Variants in PLCG1 observed in about 807,000 individuals in gnomAD.
The protein encoded by PLCG1 is phospholipase C gamma 1.
PLCG1 carries 71 observed loss-of-function variants against 177.8 expected under a neutral mutation model. That is an observed-to-expected ratio of 0.40 (90% CI 0.33 to 0.49). The LOEUF (loss-of-function observed/expected upper bound fraction) is 0.49. Among genes scored for constraint, PLCG1 ranks in the 20% least tolerant of loss-of-function variants. The pLI is 0.72. For missense variants in PLCG1, 1,281 were observed against 1,709.0 expected (o/e 0.75, Z 4.42); for synonymous variants, 658 against 647.9 (o/e 1.02, Z -0.24).
At position 41,163,288 on chromosome 20, in the gene PLCG1, T is replaced by C. The variant is rs973582721; in HGVS notation, c.789+13T>C. Reference sequence around the variant, plus strand: ...TGACTACCAGGGGGTATGGCTGGGCTGACATTGGCCCAGGCTGGTAGGTTG... The same window carrying C: ...TGACTACCAGGGGGTATGGCTGGGCCGACATTGGCCCAGGCTGGTAGGTTG... On this transcript the variant is annotated intron_variant, in intron 8 of 31. Transcript: ENST00000685551. This position sits in a 1 kb window ranked among gnomAD's most constrained non-coding sequence, Gnocchi z 5.2. 3 of 1,576,036 alleles carry C rather than the reference T, an allele frequency of 1.9e-6. No homozygotes were observed. The highest frequency in any genetic ancestry group is 1.9e-5 in the Admixed American group (1 of 53,932).
At position 41,159,972 on chromosome 20, in the gene PLCG1, C is replaced by T; in HGVS notation, c.464+9C>T. On this transcript the variant is annotated intron_variant, in intron 3 of 31. Coordinates refer to ENST00000685551, the MANE Select transcript of PLCG1 (RefSeq NM_002660.3). This position sits in a 1 kb window ranked among gnomAD's most constrained non-coding sequence, Gnocchi z 6.0. ...CCCCTGCAGATTGAGAGGTAAGAACCACTCCTGAAGGGGTTAGGGCTGGGA... is the reference window on the plus strand; with the variant it reads ...CCCCTGCAGATTGAGAGGTAAGAACTACTCCTGAAGGGGTTAGGGCTGGGA... 2 of 1,611,696 alleles carry T rather than the reference C, an allele frequency of 1.2e-6. No homozygotes were observed. Among genetic ancestry groups the T allele is most frequent in the Non-Finnish European group, 1.7e-6 (2 of 1,177,780 alleles).
At position 41,168,910 on chromosome 20, in the gene PLCG1, C is replaced by T. The variant is rs778821332; in HGVS notation, c.2483+40C>T. ...TGGTAGGCCCAGAGTCCAAGGGCCC[C>T]AGTGGAGCTGGGGCCCCAAAGACAT... is the stretch of plus-strand genomic sequence containing the variant. On this transcript the variant is annotated intron_variant, in intron 21 of 31. Coordinates refer to ENST00000685551, the MANE Select transcript of PLCG1 (RefSeq NM_002660.3). 9 of 1,428,272 alleles carry T rather than the reference C, an allele frequency of 6.3e-6. No individual in the cohort carries two copies. The South Asian group carries it at 9.2e-5, about 15-fold the overall frequency. The allele number at this position is 1,428,272 out of a possible 1,614,324, so 88.5% of individuals were successfully genotyped here. A position where few individuals can be genotyped will look rare whatever the true frequency, so the allele number is the denominator to read the frequency against.
Position 41,160,709 on chromosome 20 carries a change from G to A in PLCG1, c.512+556G>A, listed in dbSNP as rs2035466440. Among the ~76,000 whole-genome samples, 1 of 152,210 alleles carries A rather than the reference G, an allele frequency of 6.6e-6. No homozygotes were observed. Among genetic ancestry groups the A allele is most frequent in the Admixed American group, 6.5e-5 (1 of 15,282 alleles). On this transcript the variant is annotated intron_variant, in intron 4 of 31. Coordinates refer to ENST00000685551, the MANE Select transcript of PLCG1 (RefSeq NM_002660.3). This position sits in a 1 kb window ranked among gnomAD's most constrained non-coding sequence, Gnocchi z 5.5. ...CACACTCCAGGTGAAAAATGAGAGG[G>A]CTTGGATCATGATGGTAATGGTAGG... is the stretch of plus-strand genomic sequence containing the variant.
In PLCG1 at chr20:41,139,691, G is replaced by A. The variant is rs145652812; in HGVS notation, c.217+1833G>A. ...ACACATAAATGTTTAATAAATATGA[G>A]CTGTTATTAGCAATAACATTAACAA... On this transcript the variant is annotated intron_variant, in intron 1 of 31. Coordinates refer to ENST00000685551, the MANE Select transcript of PLCG1 (RefSeq NM_002660.3). Among the ~76,000 whole-genome samples, 16 of 152,278 alleles carry A rather than the reference G, an allele frequency of 1.1e-4. No homozygotes were observed. In the East Asian group the frequency reaches 3.1e-3, roughly 29 times the overall value.
At chr20:41,169,029 A>G in intron 21 of PLCG1, 50 bp from the exon 22 acceptor site, 1 of 1,438,778 alleles carries the variant, frequency 7.0e-7, no homozygotes. Flanking sequence ...TACCCTCCTC[A>G]TGGGAGTTCG....
At position 41,147,285 on chromosome 20, in the gene PLCG1, C is replaced by A. The variant is rs1351993437; in HGVS notation, c.217+9427C>A. ...ATATGTCACTTTGTTAAGGATTTTG[C>A]TGAGGGCCTTTTGAGGCCAGCAGTG... On this transcript the variant is annotated intron_variant, in intron 1 of 31. Coordinates refer to ENST00000685551, the MANE Select transcript of PLCG1 (RefSeq NM_002660.3). This position sits in a 1 kb window ranked among gnomAD's most constrained non-coding sequence, Gnocchi z 4.0. Among the ~76,000 whole-genome samples the A allele has an allele frequency of 1.3e-5, 2 of 152,196 alleles. No individual in the cohort carries two copies. Among genetic ancestry groups the A allele is most frequent in the African/African-American group, 4.8e-5 (2 of 41,462 alleles).
Position 41,163,557 on chromosome 20 carries a change from TAGA to T in PLCG1, c.891+79_891+81del. The T allele has an allele frequency of 2.6e-6, 3 of 1,158,824 alleles. No homozygotes were observed. Among genetic ancestry groups the T allele is most frequent in the Non-Finnish European group, 2.6e-6 (2 of 771,036 alleles). The allele number at this position is 1,158,824 out of a possible 1,614,324, so 71.8% of individuals were successfully genotyped here. A position where few individuals can be genotyped will look rare whatever the true frequency, so the allele number is the denominator to read the frequency against. On this transcript the variant is annotated intron_variant, in intron 9 of 31. Coordinates refer to ENST00000685551, the MANE Select transcript of PLCG1 (RefSeq NM_002660.3). This position sits in a 1 kb window ranked among gnomAD's most constrained non-coding sequence, Gnocchi z 5.2. Reference sequence around the variant, plus strand: ...AGGACCCCACCCGGGCTCCAGGAGCTAGACGCTCCTTAGGGATGCCACCTTGTT... The same window carrying T: ...AGGACCCCACCCGGGCTCCAGGAGCTCGCTCCTTAGGGATGCCACCTTGTT...
rs555314668 is a variant in PLCG1, at chr20:41,173,591, C to T, written c.3394+57C>T. 5.0e-5 allele frequency: 81 copies of T among 1,614,018 alleles called. No homozygotes were observed. The South Asian group carries it at 8.8e-4, about 18-fold the overall frequency. ...CCTGCTGGGGCACTGCAAGCCTCTCCCCACCAGTCATCCCATCCTCTCCCA... is the reference window on the plus strand; with the variant it reads ...CCTGCTGGGGCACTGCAAGCCTCTCTCCACCAGTCATCCCATCCTCTCCCA... On this transcript the variant is annotated intron_variant, in intron 28 of 31. Transcript: ENST00000685551. The surrounding 1 kb of genome is among the most constrained non-coding windows in gnomAD (Gnocchi z 6.2).
chr20:41,161,867 T>C (rs2035509114), intron 4 of PLCG1, among the ~76,000 whole-genome samples: 1 of 152,130 alleles, frequency 6.6e-6, no homozygotes, highest in Non-Finnish European at 1.5e-5. Context: ...TCTCAGTTTC[T>C]TTCCTGGAGC....
In PLCG1 at chr20:41,157,847, C is replaced by G. The variant is rs2035370764; in HGVS notation, c.218-1759C>G. Among the ~76,000 whole-genome samples the G allele has an allele frequency of 6.6e-6, 1 of 152,140 alleles. No individual in the cohort carries two copies. Among genetic ancestry groups the G allele is most frequent in the South Asian group, 2.1e-4 (1 of 4,822 alleles). On this transcript the variant is annotated intron_variant, in intron 1 of 31. Coordinates refer to ENST00000685551, the MANE Select transcript of PLCG1 (RefSeq NM_002660.3). This position sits in a 1 kb window ranked among gnomAD's most constrained non-coding sequence, Gnocchi z 5.4. ...AATTCCTGAGCCCTGTCACAAAGAGCCTTCAAGGCCATAGAAGGTGTTTGT... is the reference window on the plus strand; with the variant it reads ...AATTCCTGAGCCCTGTCACAAAGAGGCTTCAAGGCCATAGAAGGTGTTTGT...
rs374417553 is a variant in PLCG1 at position 41,172,520 on chromosome 20, A to G, written c.3005A>G (p.Gln1002Arg). 2.5e-6 allele frequency: 4 copies of G among 1,614,140 alleles called. No homozygotes were observed. The highest frequency in any genetic ancestry group is 1.7e-5 in the Admixed American group (1 of 60,030). ...VNKAKGKKFL[Q>R]YNRLQLSRIY... ...AAGGCCAAAGGCAAGAAGTTCCTTC[A>G]GTACAATCGACTGCAGCTCTCCCGC... is the stretch of plus-strand genomic sequence containing the variant. Residue 1002 changes from glutamine (Q) to arginine (R), a missense_variant, in exon 26 of 32, where the codon CAG (glutamine) becomes CGG (arginine). Gln to Arg is a conservative substitution (Grantham distance 43). This residue lies in a region of PLCG1 where 723 missense variants were observed against 1,030.0 expected (regional missense o/e 0.70). Coordinates refer to ENST00000685551, the MANE Select transcript of PLCG1 (RefSeq NM_002660.3). This position sits in a 1 kb window ranked among gnomAD's most constrained non-coding sequence, Gnocchi z 7.0.
At chr20:41,170,536 G>A in intron 24 of PLCG1, 1 of 411,180 alleles carries the variant, frequency 2.4e-6, no homozygotes, top group Non-Finnish European at 4.4e-6. Context: ...CAAGACCAGA[G>A]GTAAGAGGAG....
chr20:41,174,653 G>A lies in PLCG1; in HGVS notation c.*144G>A. The A allele has an allele frequency of 2.8e-6, 2 of 708,772 alleles. No individual in the cohort carries two copies. The highest frequency in any genetic ancestry group is 2.5e-6 in the Non-Finnish European group (1 of 406,702). 43.9% of individuals were successfully genotyped at this position (708,772 alleles called of 1,614,324 possible). ...GGATTCCAGCAGTGAATGCTAGACA[G>A]AAACCAAGCCATTAATGAGATGTTA... On this transcript the variant is annotated 3_prime_UTR_variant, in exon 32 of 32. Coordinates refer to ENST00000685551, the MANE Select transcript of PLCG1 (RefSeq NM_002660.3). This position sits in a 1 kb window ranked among gnomAD's most constrained non-coding sequence, Gnocchi z 5.8.
rs569876625 is a variant in PLCG1 at position 41,151,402 on chromosome 20, G to A, written c.218-8204G>A. Among the ~76,000 whole-genome samples the A allele has an allele frequency of 2.5e-4, 38 of 152,300 alleles. No homozygotes were observed. Among genetic ancestry groups the A allele is most frequent in the Non-Finnish European group, 4.6e-4 (31 of 68,030 alleles). On this transcript the variant is annotated intron_variant, in intron 1 of 31. Transcript: ENST00000685551. This position sits in a 1 kb window ranked among gnomAD's most constrained non-coding sequence, Gnocchi z 5.5. ...CAAGCTTGTCCAACTCGCTGCCCGC[G>A]GGTCTGGTTTGAAGGCAGCTGCTGC...
chr20:41,170,574 G>C (rs1372365907), intron 24 of PLCG1: 3 of 315,300 alleles, frequency 9.5e-6, no homozygotes, highest in East Asian at 1.4e-4. Flanking sequence ...CAGGAGTGGA[G>C]TGGGGGCTGA....
chr20:41,145,365 G>C (rs1191082040), intron 1 of PLCG1, among the ~76,000 whole-genome samples: 1 of 152,190 alleles, frequency 6.6e-6, no homozygotes, highest in Non-Finnish European at 1.5e-5. Flanking sequence ...GTGTGGCTTT[G>C]CTGTTGTGGT....
In PLCG1 at chr20:41,172,839, A is replaced by G; in HGVS notation, c.3241A>G (p.Ser1081Gly). ...DEAFDPFDKS[S>G]LRGLEPCAIS... is the part of the protein sequence containing the mutation. ...GGCCTTCGACCCCTTTGACAAGAGC[A>G]GCCTCCGCGGGCTGGAGCCATGTGC... The change falls in exon 27 of 32, where the codon AGC (serine) becomes GGC (glycine). Residue 1081 changes from serine to glycine, a missense_variant. Physicochemically the swap from Ser to Gly is moderately conservative, Grantham distance 56. Transcript: ENST00000685551. This position sits in a 1 kb window ranked among gnomAD's most constrained non-coding sequence, Gnocchi z 7.0. 1 of 1,614,190 alleles carries G rather than the reference A, an allele frequency of 6.2e-7. No individual in the cohort carries two copies. The highest frequency in any genetic ancestry group is 8.5e-7 in the Non-Finnish European group (1 of 1,180,040).
Position 41,177,358 on chromosome 20 carries a change from T to A in PLCG1, c.*2849T>A, listed in dbSNP as rs2036092732. 1 of 152,262 alleles carries A rather than the reference T, an allele frequency of 6.6e-6. No homozygotes were observed. Among genetic ancestry groups the A allele is most frequent in the Admixed American group, 6.5e-5 (1 of 15,286 alleles). 9.4% of individuals were successfully genotyped at this position (152,262 alleles called of 1,614,324 possible). A position where few individuals can be genotyped will look rare whatever the true frequency, so the allele number is the denominator to read the frequency against. ...CCCTGCGGGAAGATGGCAGGAGCAG[T>A]TTCTGACCTCAGTTGAGTATCTGTG... On this transcript the variant is annotated 3_prime_UTR_variant, in exon 32 of 32. Transcript: ENST00000685551.
At position 41,146,151 on chromosome 20, in the gene PLCG1, G is replaced by A. The variant is rs976791811; in HGVS notation, c.217+8293G>A. Reference sequence around the variant, plus strand: ...GGATGCAGAGTAAACGGGGCAGGGCGTTCTCCTACAGAAGACTGGCATCCC... The same window carrying A: ...GGATGCAGAGTAAACGGGGCAGGGCATTCTCCTACAGAAGACTGGCATCCC... On this transcript the variant is annotated intron_variant, in intron 1 of 31. Coordinates refer to ENST00000685551, the MANE Select transcript of PLCG1 (RefSeq NM_002660.3). This position sits in a 1 kb window ranked among gnomAD's most constrained non-coding sequence, Gnocchi z 6.3. Among the ~76,000 whole-genome samples the A allele has an allele frequency of 3.9e-5, 6 of 152,236 alleles. No individual in the cohort carries two copies. Among genetic ancestry groups the A allele is most frequent in the Admixed American group, 6.5e-5 (1 of 15,288 alleles).
Sources: gnomAD v4.1 joint callset for allele counts (sites outside exome capture counted in the v4.1 genomes callset) on GRCh38, gnomAD v4.1.1 for gene constraint, gnomAD v4.1.1 regional missense constraint, Gnocchi (gnomAD v3.1) non-coding constraint, MANE v1.5 for transcripts, NCBI Gene and HGNC (gene_info 2026-07-23, HGNC 2026-07-21) for gene names.